Variants in KCNQ1 observed in about 807,000 individuals in gnomAD.
KCNQ1 encodes the protein potassium voltage-gated channel subfamily Q member 1, also known as potassium voltage-gated channel subfamily KQT member 1.
KCNQ1 carries 49 observed loss-of-function variants against 72.4 expected under a neutral mutation model. The observed-to-expected ratio is 0.68, with a 90% CI of 0.54 to 0.86. KCNQ1 has a LOEUF of 0.86. KCNQ1 is among the 40% of genes least tolerant of loss of function. KCNQ1 has a pLI of 0.00. For missense variants in KCNQ1, 790 were observed against 945.1 expected, an observed-to-expected ratio of 0.84 and a Z score of 2.15; for synonymous variants, 450 against 412.6, an observed-to-expected ratio of 1.09 and a Z score of -1.10.
chr11:2,651,419 C>G lies in KCNQ1; in HGVS notation c.1394-10542C>G. ...CACTTTCCATTCCTTTTGGCCTGCC[C>G]TGTGTGCAGCTCAGCAAGTGCCTGA... is the stretch of plus-strand genomic sequence containing the variant. On this transcript the variant is annotated intron_variant, in intron 10 of 15. Transcript: ENST00000155840. This position sits in a 1 kb window ranked among gnomAD's most constrained non-coding sequence, Gnocchi z 6.1. The G allele has an allele frequency of 2.5e-6, 1 of 398,694 alleles. No homozygotes were observed. Among genetic ancestry groups the G allele is most frequent in the East Asian group, 3.6e-5 (1 of 28,080 alleles). 24.7% of individuals were successfully genotyped at this position (398,694 alleles called of 1,614,324 possible).
rs1304455581 is a variant in KCNQ1 at position 2,679,875 on chromosome 11, T to A, written c.1514+17794T>A. Reference sequence around the variant, plus strand: ...CATTTTTTTCATATAAACTTAGAACTAGCACGCCTAATTTTTTTTTTATTT... The same window carrying A: ...CATTTTTTTCATATAAACTTAGAACAAGCACGCCTAATTTTTTTTTTATTT... On this transcript the variant is annotated intron_variant, in intron 11 of 15. Transcript: ENST00000155840. This position sits in a 1 kb window ranked among gnomAD's most constrained non-coding sequence, Gnocchi z 4.8. 4 of 398,350 alleles carry A rather than the reference T, an allele frequency of 1.0e-5. No individual in the cohort carries two copies. The highest frequency in any genetic ancestry group is 4.1e-5 in the African/African-American group (2 of 48,598). The allele number at this position is 398,350 out of a possible 1,614,324, so 24.7% of individuals were successfully genotyped here. A position where few individuals can be genotyped will look rare whatever the true frequency, so the allele number is the denominator to read the frequency against.
At chr11:2,622,697 T>C in intron 10 of KCNQ1, 1 of 398,640 alleles carries the variant, frequency 2.5e-6, no homozygotes, top group Non-Finnish European at 4.4e-6. Context: ...ATTGTCTGTA[T>C]GTGTGTATGT....
At chr11:2,810,691 T>C (rs1847468048) in intron 15 of KCNQ1, among the ~76,000 whole-genome samples, 1 of 152,232 alleles carries the variant, frequency 6.6e-6, no homozygotes, top group Non-Finnish European at 1.5e-5. Flanking sequence ...CAGGCCCCTC[T>C]CTCTCATGTT....
In KCNQ1 at chr11:2,661,670, C is replaced by T. The variant is rs1849958473; in HGVS notation, c.1394-291C>T. On this transcript the variant is annotated intron_variant, in intron 10 of 15. Coordinates refer to ENST00000155840, the MANE Select transcript of KCNQ1 (RefSeq NM_000218.3). This position sits in a 1 kb window ranked among gnomAD's most constrained non-coding sequence, Gnocchi z 5.9. Reference sequence around the variant, plus strand: ...TGTGAACATGGGAAGAGGCCCAGAACCTGAGGTGGGGAGAGTCTTGGACAC... The same window carrying T: ...TGTGAACATGGGAAGAGGCCCAGAATCTGAGGTGGGGAGAGTCTTGGACAC... The T allele has an allele frequency of 3.4e-6, 2 of 596,922 alleles. No homozygotes were observed. The highest frequency in any genetic ancestry group is 3.7e-5 in the African/African-American group (2 of 53,796). The allele number at this position is 596,922 out of a possible 1,614,324, so 37.0% of individuals were successfully genotyped here.
intron 6 of KCNQ1, among the ~76,000 whole-genome samples, chr11:2,574,714 C>T (rs1848394661): frequency 6.6e-6 from 1 of 152,236 alleles, no homozygotes; most frequent in East Asian, 1.9e-4. Flanking sequence ...AGACACTCAG[C>T]AGTGGCTCCT....
At chr11:2,581,090 T>C (rs1187915206) in intron 6 of KCNQ1, among the ~76,000 whole-genome samples, 3 of 152,328 alleles carry the variant, frequency 2.0e-5, no homozygotes. Flanking sequence ...CCAAAAAATC[T>C]GGATTAGACA....
chr11:2,533,281 C>T (rs1847672210), intron 2 of KCNQ1, among the ~76,000 whole-genome samples: 1 of 152,174 alleles, frequency 6.6e-6, no homozygotes, highest in African/African-American at 2.4e-5. Flanking sequence ...CAGGGATATG[C>T]GGTGGGCCTG....
At chr11:2,531,698 T>G (rs1847636437) in intron 2 of KCNQ1, among the ~76,000 whole-genome samples, 1 of 152,178 alleles carries the variant, frequency 6.6e-6, no homozygotes, top group African/African-American at 2.4e-5. Context: ...AGAGCCCCCT[T>G]TCTGCTGTAG....
intron 1 of KCNQ1, among the ~76,000 whole-genome samples, chr11:2,474,662 A>G (rs1373350232): frequency 3.7e-5 from 2 of 53,512 alleles, no homozygotes; most frequent in Non-Finnish European, 6.1e-5. Context: ...AGAGTGTTCC[A>G]TGTGGGGCGG....
At position 2,796,236 on chromosome 11, in the gene KCNQ1, C is replaced by T. The variant is rs181608911; in HGVS notation, c.1794+18199C>T. Reference sequence around the variant, plus strand: ...TTCCATGTCCCACCAGAAGCCAGCACGGCCCCTGGCCCCCTGCCAGGTGAC... The same window carrying T: ...TTCCATGTCCCACCAGAAGCCAGCATGGCCCCTGGCCCCCTGCCAGGTGAC... On this transcript the variant is annotated intron_variant, in intron 15 of 15. Coordinates refer to ENST00000155840, the MANE Select transcript of KCNQ1 (RefSeq NM_000218.3). 9.6e-4 allele frequency among the ~76,000 whole-genome samples: 147 copies of T among 152,332 alleles called. No homozygotes were observed. The Middle Eastern group carries it at 0.01, about 11-fold the overall frequency.
chr11:2,501,553 A>G (rs966824973), intron 1 of KCNQ1, among the ~76,000 whole-genome samples: 1 of 152,100 alleles, frequency 6.6e-6, no homozygotes. Context: ...TCCAACAAAG[A>G]AAACCCTGAG....
intron 1 of KCNQ1, among the ~76,000 whole-genome samples, chr11:2,523,238 G>T (rs7122214): frequency 0.2 from 29,912 of 150,706 alleles, 5,825 homozygotes; most frequent in African/African-American, 0.51. Context: ...CTGTCACCCA[G>T]GCTGGAGTGC....
chr11:2,648,121 C>T, intron 10 of KCNQ1: 1 of 293,872 alleles, frequency 3.4e-6, no homozygotes, highest in East Asian at 4.9e-5. Flanking sequence ...AGGAGGATTG[C>T]TTGAGCCCAG....
chr11:2,539,679 C>T (rs915102907), intron 2 of KCNQ1, among the ~76,000 whole-genome samples: 3 of 152,240 alleles, frequency 2.0e-5, no homozygotes, highest in African/African-American at 7.2e-5. Context: ...TTCTCTCCCG[C>T]CTTCCCCATA....
chr11:2,469,161 A>G (rs915988639), intron 1 of KCNQ1, among the ~76,000 whole-genome samples: 7 of 152,122 alleles, frequency 4.6e-5, no homozygotes, highest in Non-Finnish European at 1.0e-4. Context: ...GTGTGGGGTC[A>G]TCTTTTCAGC....
At chr11:2,692,651 G>A (rs912206423) in intron 11 of KCNQ1, 31 of 398,680 alleles carry the variant, frequency 7.8e-5, no homozygotes, top group African/African-American at 5.5e-4. Context: ...ACTCCCCTCA[G>A]GGTGCAAACG....
chr11:2,657,382 C>G lies in KCNQ1; in HGVS notation c.1394-4579C>G. 1 of 398,578 alleles carries G rather than the reference C, an allele frequency of 2.5e-6. No homozygotes were observed. Among genetic ancestry groups the G allele is most frequent in the Non-Finnish European group, 4.4e-6 (1 of 226,046 alleles). 24.7% of individuals were successfully genotyped at this position (398,578 alleles called of 1,614,324 possible). On this transcript the variant is annotated intron_variant, in intron 10 of 15. Transcript: ENST00000155840. This position sits in a 1 kb window ranked among gnomAD's most constrained non-coding sequence, Gnocchi z 4.8. Reference sequence around the variant, plus strand: ...TCCATTTATATCTTCTTCATTGTCTCTTACTAAAGTTTTACAATTTTCTCC... The same window carrying G: ...TCCATTTATATCTTCTTCATTGTCTGTTACTAAAGTTTTACAATTTTCTCC...
intron 1 of KCNQ1, among the ~76,000 whole-genome samples, chr11:2,513,483 C>A (rs538594791): frequency 2.0e-5 from 3 of 152,280 alleles, no homozygotes; most frequent in African/African-American, 7.2e-5. Flanking sequence ...GGGTCTTGGG[C>A]CCTCTTCCCC....
rs556063924 is a variant in KCNQ1 at position 2,482,690 on chromosome 11, A to G, written c.386+37206A>G. The stretch of plus-strand genomic sequence containing the variant: ...GCACCACAAAGCTGGGTATTATCAT[A>G]AAAACACTGCCATTATGATGAAGCA... On this transcript the variant is annotated intron_variant, in intron 1 of 15. Transcript: ENST00000155840. The surrounding 1 kb of genome is among the most constrained non-coding windows in gnomAD (Gnocchi z 5.7). 3.3e-5 allele frequency among the ~76,000 whole-genome samples: 5 copies of G among 152,214 alleles called. No individual in the cohort carries two copies. In the South Asian group the frequency reaches 8.3e-4, roughly 25 times the overall value.
Sources: allele counts gnomAD v4.1 joint callset (sites outside exome capture counted in the v4.1 genomes callset), GRCh38; gene constraint gnomAD v4.1.1; non-coding constraint Gnocchi (gnomAD v3.1); transcripts MANE v1.5; gene names NCBI Gene and HGNC (gene_info 2026-07-23, HGNC 2026-07-21).